GPM6A: variants seen among roughly 807,000 people sequenced by gnomAD.
GPM6A encodes the protein glycoprotein M6A, also known as neuronal membrane glycoprotein M6-a.
In GPM6A, 7 loss-of-function variants were observed where a neutral mutation model predicts 32.1. The ratio of observed to expected loss-of-function variants is 0.22; its 90% confidence interval spans 0.12 to 0.41. GPM6A has a LOEUF of 0.41. Ranked by LOEUF, GPM6A falls within the 10% of genes least tolerant of loss-of-function variation. The pLI is 1.00. For missense variants in GPM6A, 235 were observed against 347.2 expected (o/e 0.68, Z 2.57); for synonymous variants, 130 against 123.4 (o/e 1.05, Z -0.35).
intron 3 of GPM6A, among the ~76,000 whole-genome samples, chr4:175,671,342 C>G (rs750046465): frequency 4.6e-5 from 7 of 151,056 alleles, no homozygotes; most frequent in Admixed American, 6.6e-5. Context: ...ATTCAGTGTT[C>G]CAACTAGAGC....
intron 1 of GPM6A, among the ~76,000 whole-genome samples, chr4:175,810,939 A>G (rs1396572274): frequency 6.6e-6 from 1 of 152,150 alleles, no homozygotes; most frequent in Non-Finnish European, 1.5e-5. Context: ...TTGTGTTTCT[A>G]TTACAGATTA....
rs185208791 is a variant in GPM6A, at chr4:175,736,415, C to G, written c.38-34648G>C. 7.9e-5 allele frequency among the ~76,000 whole-genome samples: 12 copies of G among 152,258 alleles called. No individual in the cohort carries two copies. In the East Asian group the frequency reaches 2.1e-3, roughly 27 times the overall value. On this transcript the variant is annotated intron_variant, in intron 1 of 6. Transcript: ENST00000393658. ...CTTCACCTCCGAGGATCTATGCCAC[C>G]TGTTTTAAAGAATGACCACCTCATT...
chr4:175,906,765 G>A (rs1161592018), intron 1 of GPM6A: 1 of 152,092 alleles, frequency 6.6e-6, no homozygotes, highest in Non-Finnish European at 1.5e-5. Flanking sequence ...CAGATGCTGC[G>A]ATTGACTTGG....
At chr4:175,877,735 C>T (rs192132925) in intron 1 of GPM6A, among the ~76,000 whole-genome samples, 33 of 152,248 alleles carry the variant, frequency 2.2e-4, no homozygotes, top group African/African-American at 7.5e-4. Context: ...TATCATTCTG[C>T]CCCGGCCCCT....
intron 1 of GPM6A, among the ~76,000 whole-genome samples, chr4:175,708,553 A>G (rs970399779): frequency 2.0e-5 from 3 of 151,830 alleles, no homozygotes; most frequent in African/African-American, 7.2e-5. Flanking sequence ...ACCCAGCTAA[A>G]TTTTTGTACT....
At chr4:175,694,239 G>A (rs1744448507) in intron 2 of GPM6A, among the ~76,000 whole-genome samples, 1 of 152,156 alleles carries the variant, frequency 6.6e-6, no homozygotes, top group Non-Finnish European at 1.5e-5. Context: ...TTGCTATAAA[G>A]ATACCTGAAA....
At chr4:175,914,556 C>G (rs1306351761) in intron 1 of GPM6A, among the ~76,000 whole-genome samples, 1 of 152,230 alleles carries the variant, frequency 6.6e-6, no homozygotes, top group East Asian at 1.9e-4. Flanking sequence ...CTCCTGATCT[C>G]AAGTGATCTG....
At chr4:175,927,232 ATTCT>A (rs1191724005) in intron 1 of GPM6A, among the ~76,000 whole-genome samples, 2 of 152,240 alleles carry the variant, frequency 1.3e-5, no homozygotes, top group Non-Finnish European at 2.9e-5. Flanking sequence ...TGAGAAAATG[ATTCT>A]TTCTATTAAG....
chr4:175,706,586 C>G (rs1226970743), intron 1 of GPM6A, among the ~76,000 whole-genome samples: 1 of 152,076 alleles, frequency 6.6e-6, no homozygotes, highest in Non-Finnish European at 1.5e-5. Context: ...TGACCTACGT[C>G]ATTTTTGTCA....
intron 1 of GPM6A, among the ~76,000 whole-genome samples, chr4:175,834,827 CAAAG>C (rs1409108406): frequency 3.3e-5 from 5 of 152,114 alleles, no homozygotes; most frequent in African/African-American, 1.2e-4. Context: ...ATATCTCTCC[CAAAG>C]AAAGAGAAGA....
Position 175,908,346 on chromosome 4 carries a change from A to C in GPM6A, c.-23+93963T>G, listed in dbSNP as rs549561774. On this transcript the variant is annotated intron_variant, in intron 1 of 7. Transcript: ENST00000280187. The stretch of plus-strand genomic sequence containing the variant: ...ATTTCTAACTTATCTGACCTTGAAC[A>C]TGCCTAGATTCTTCAGATCCCTGTG... Among the ~76,000 whole-genome samples, 9 of 152,248 alleles carry C rather than the reference A, an allele frequency of 5.9e-5. No individual in the cohort carries two copies. The South Asian group carries it at 1.7e-3, about 28-fold the overall frequency.
intron 1 of GPM6A, among the ~76,000 whole-genome samples, chr4:175,985,411 A>T (rs1740943718): frequency 6.6e-6 from 1 of 152,168 alleles, no homozygotes; most frequent in East Asian, 1.9e-4. Context: ...GCTCTTGGTA[A>T]TACATGTTGA....
At chr4:175,765,256 C>T (rs1732917672) in intron 1 of GPM6A, among the ~76,000 whole-genome samples, 2 of 152,060 alleles carry the variant, frequency 1.3e-5, no homozygotes, top group African/African-American at 4.8e-5. Context: ...ACAGCTTGAC[C>T]TCTCCCACTT....
chr4:175,970,454 G>A (rs1282567518), intron 1 of GPM6A, among the ~76,000 whole-genome samples: 1 of 152,114 alleles, frequency 6.6e-6, no homozygotes, highest in Non-Finnish European at 1.5e-5. Context: ...TTTGTAATAC[G>A]TTTGGTTTGT....
At chr4:175,861,749 G>GAAAAAAAAAAAAAAAA (rs10716525) in intron 1 of GPM6A, among the ~76,000 whole-genome samples, 1 of 87,242 alleles carries the variant, frequency 1.1e-5, no homozygotes, top group African/African-American at 4.5e-5. Flanking sequence ...AAGAGACTCT[G>GAAAAAAAAAAAAAAAA]AAAAAAAAAA....
intron 1 of GPM6A, among the ~76,000 whole-genome samples, chr4:175,738,447 T>C (rs1333400687): frequency 1.3e-5 from 2 of 152,052 alleles, no homozygotes. Context: ...TTTGAGAAAA[T>C]ATTCTTAATA....
At chr4:175,735,905 A>T (rs1253064563) in intron 1 of GPM6A, among the ~76,000 whole-genome samples, 1 of 152,192 alleles carries the variant, frequency 6.6e-6, no homozygotes, top group Non-Finnish European at 1.5e-5. Flanking sequence ...GATAAATGTC[A>T]TATGTCTAGA....
At chr4:175,805,563 G>T (rs1734662932) in intron 1 of GPM6A, among the ~76,000 whole-genome samples, 1 of 152,102 alleles carries the variant, frequency 6.6e-6, no homozygotes, top group Non-Finnish European at 1.5e-5. Flanking sequence ...TTTGATGGAG[G>T]TAAGTAAAGT....
chr4:175,865,218 C>G (rs746548490), intron 1 of GPM6A, among the ~76,000 whole-genome samples: 9 of 152,146 alleles, frequency 5.9e-5, no homozygotes, highest in Non-Finnish European at 1.2e-4. Flanking sequence ...ATTGAATTAC[C>G]TTGAAAACAC....
Sources: gnomAD v4.1 joint callset for allele counts (sites outside exome capture counted in the v4.1 genomes callset) on GRCh38, gnomAD v4.1.1 for gene constraint, MANE v1.5 for transcripts, NCBI Gene and HGNC (gene_info 2026-07-23, HGNC 2026-07-21) for gene names.